Variants in FAM227B observed in about 807,000 individuals in gnomAD.
FAM227B encodes protein FAM227B.
A neutral mutation model predicts 73.8 loss-of-function variants in FAM227B; 88 were observed. That is an observed-to-expected ratio of 1.19 (90% confidence interval 1.00 to 1.42). The LOEUF (loss-of-function observed/expected upper bound fraction) is 1.42. Ranked by LOEUF, FAM227B falls within the 40% of genes most tolerant of loss-of-function variation. FAM227B has a pLI of 0.00. For synonymous variants in FAM227B, 210 were observed against 190.5 expected (o/e 1.10, Z -0.84); for missense variants, 632 against 590.9 (o/e 1.07, Z -0.72).
At chr15:49,392,423 G>C (rs1428913471) in intron 11 of FAM227B, among the ~76,000 whole-genome samples, 2 of 152,190 alleles carry the variant, frequency 1.3e-5, no homozygotes, top group Non-Finnish European at 2.9e-5. Context: ...ATGCAAAAGA[G>C]ACTGTGCAAT....
intron 11 of FAM227B, chr15:49,484,162 A>G: frequency 1.8e-6 from 1 of 558,746 alleles, no homozygotes; most frequent in East Asian, 3.1e-5. Flanking sequence ...AGTATAGCTA[A>G]TAAACCACAT....
At chr15:49,371,079 T>C (rs1472561526) in intron 12 of FAM227B, among the ~76,000 whole-genome samples, 1 of 152,078 alleles carries the variant, frequency 6.6e-6, no homozygotes, top group African/African-American at 2.4e-5. Context: ...AAGATAAATA[T>C]TATGATATTT....
intron 11 of FAM227B, among the ~76,000 whole-genome samples, chr15:49,410,131 C>G (rs1237306193): frequency 6.6e-6 from 1 of 152,028 alleles, no homozygotes; most frequent in Non-Finnish European, 1.5e-5. Flanking sequence ...TCTAAAGCAC[C>G]CTATTTATTT....
At chr15:49,418,493 C>T (rs896103604) in intron 11 of FAM227B, among the ~76,000 whole-genome samples, 1 of 152,102 alleles carries the variant, frequency 6.6e-6, no homozygotes, top group Non-Finnish European at 1.5e-5. Context: ...ATGTCCTTTG[C>T]AGGAACGTGG....
At chr15:49,479,957 C>T (rs1358790164) in intron 11 of FAM227B, among the ~76,000 whole-genome samples, 1 of 152,166 alleles carries the variant, frequency 6.6e-6, no homozygotes, top group African/African-American at 2.4e-5. Context: ...TTGAAAGGAA[C>T]ATCACTCCCC....
intron 9 of FAM227B, among the ~76,000 whole-genome samples, chr15:49,547,898 C>T (rs183821296): frequency 3.3e-4 from 51 of 152,264 alleles, no homozygotes; most frequent in East Asian, 3.1e-3. Flanking sequence ...ACTCCACTGA[C>T]GACACCAAAC....
intron 10 of FAM227B, among the ~76,000 whole-genome samples, chr15:49,513,453 T>G (rs1269954726): frequency 6.6e-6 from 1 of 152,160 alleles, no homozygotes; most frequent in African/African-American, 2.4e-5. Flanking sequence ...GATGGGGTTG[T>G]TTTTTTCTTG....
At chr15:49,404,950 G>T (rs1384412505) in intron 11 of FAM227B, among the ~76,000 whole-genome samples, 1 of 152,100 alleles carries the variant, frequency 6.6e-6, no homozygotes, top group Non-Finnish European at 1.5e-5. Context: ...AGTTCTGGTG[G>T]TAACTAATTC....
At chr15:49,551,901 A>G (rs1439324757) in intron 9 of FAM227B, among the ~76,000 whole-genome samples, 1 of 151,558 alleles carries the variant, frequency 6.6e-6, no homozygotes, top group East Asian at 1.9e-4. Flanking sequence ...CCACTTTTTA[A>G]CTCTTTGTTG....
chr15:49,539,965 G>A (rs2070828240), intron 10 of FAM227B, among the ~76,000 whole-genome samples: 1 of 152,216 alleles, frequency 6.6e-6, no homozygotes, highest in African/African-American at 2.4e-5. Context: ...TATGCAAAGA[G>A]TGTCTGTGGC....
At chr15:49,350,807 T>C (rs1033942299) in intron 13 of FAM227B, among the ~76,000 whole-genome samples, 1 of 152,146 alleles carries the variant, frequency 6.6e-6, no homozygotes, top group African/African-American at 2.4e-5. Flanking sequence ...CTCTAAGATA[T>C]GCGAGCCAAA....
chr15:49,456,968 G>T (rs1305542389), intron 11 of FAM227B, among the ~76,000 whole-genome samples: 1 of 152,074 alleles, frequency 6.6e-6, no homozygotes, highest in African/African-American at 2.4e-5. Flanking sequence ...ACTTAGAATT[G>T]AAAAAGTTAG....
chr15:49,402,719 T>C (rs2048254125), intron 11 of FAM227B, among the ~76,000 whole-genome samples: 1 of 152,182 alleles, frequency 6.6e-6, no homozygotes, highest in South Asian at 2.1e-4. Flanking sequence ...TAGGATCATG[T>C]CATCTGCACA....
intron 5 of FAM227B, among the ~76,000 whole-genome samples, chr15:49,585,677 C>T (rs1488168606): frequency 2.0e-5 from 3 of 151,978 alleles, no homozygotes; most frequent in Non-Finnish European, 4.4e-5. Flanking sequence ...GAACATCACA[C>T]ACCGGGGACT....
intron 13 of FAM227B, among the ~76,000 whole-genome samples, chr15:49,340,732 T>A (rs1328960691): frequency 6.6e-6 from 1 of 152,216 alleles, no homozygotes; most frequent in Non-Finnish European, 1.5e-5. Context: ...ACTACGTTGA[T>A]GTTTTATATT....
At chr15:49,367,785 C>T (rs971467892) in intron 12 of FAM227B, 177 bp from the exon 13 acceptor site, 20 of 493,756 alleles carry the variant, frequency 4.1e-5, no homozygotes, top group Non-Finnish European at 5.7e-5. Flanking sequence ...TCTATAAGTA[C>T]ATGCAGTAAG....
chr15:49,408,137 C>T (rs1032759783), intron 11 of FAM227B, among the ~76,000 whole-genome samples: 6 of 152,134 alleles, frequency 3.9e-5, no homozygotes, highest in Non-Finnish European at 7.4e-5. Context: ...AGTTGGGAAA[C>T]ATTTGAAGTT....
intron 2 of FAM227B, among the ~76,000 whole-genome samples, chr15:49,613,002 C>T (rs542778291): frequency 1.5e-4 from 23 of 151,754 alleles, no homozygotes; most frequent in African/African-American, 1.2e-4. Context: ...TGCCAGAGGC[C>T]GAGAAGGGTA....
chr15:49,450,732 C>A (rs1408084375), intron 11 of FAM227B, among the ~76,000 whole-genome samples: 1 of 151,872 alleles, frequency 6.6e-6, no homozygotes, highest in Non-Finnish European at 1.5e-5. Context: ...TCTTTAAATC[C>A]AGTTTAACAA....
Sources: gnomAD v4.1 joint callset for allele counts (sites outside exome capture counted in the v4.1 genomes callset) on GRCh38, gnomAD v4.1.1 for gene constraint, MANE v1.5 for transcripts, NCBI Gene and HGNC (gene_info 2026-07-23, HGNC 2026-07-21) for gene names.